The following ARHGAP26 variants were observed in gnomAD, a reference collection of about 807,000 sequenced individuals.
ARHGAP26 encodes the protein rho GTPase-activating protein 26.
ARHGAP26 carries 38 observed loss-of-function variants against 104.8 expected under a neutral mutation model. That is an observed-to-expected ratio of 0.36 (90% CI 0.28 to 0.48). The LOEUF (loss-of-function observed/expected upper bound fraction) is 0.48, where lower values mean the gene tolerates loss of function less well. Among genes scored for constraint, ARHGAP26 ranks in the 20% least tolerant of loss-of-function variants. The pLI, the probability that ARHGAP26 is intolerant of heterozygous loss-of-function variation, is 0.99. For synonymous variants in ARHGAP26, 341 were observed against 340.0 expected (o/e 1.00, Z -0.03); for missense variants, 704 against 947.9 (o/e 0.74, Z 3.38).
At chr5:143,103,869 C>T (rs985650019) in intron 17 of ARHGAP26, among the ~76,000 whole-genome samples, 2 of 152,002 alleles carry the variant, frequency 1.3e-5, no homozygotes, top group Admixed American at 6.5e-5. Context: ...GTGCAGCAAA[C>T]GACCATGGCA....
chr5:142,797,837 G>A (rs970355139), intron 1 of ARHGAP26, among the ~76,000 whole-genome samples: 44 of 152,300 alleles, frequency 2.9e-4, no homozygotes, highest in African/African-American at 8.7e-4. Context: ...AAACTTTAAT[G>A]TGCATCCAGA....
chr5:142,804,415 T>C (rs1452807632), intron 1 of ARHGAP26, among the ~76,000 whole-genome samples: 1 of 152,228 alleles, frequency 6.6e-6, no homozygotes. Context: ...CACTCACTCA[T>C]TGGCTCACTC....
chr5:143,067,846 A>G (rs1433013643), intron 17 of ARHGAP26, among the ~76,000 whole-genome samples: 1 of 152,198 alleles, frequency 6.6e-6, no homozygotes, highest in Admixed American at 6.5e-5. Flanking sequence ...TAAGCAACAG[A>G]TGTCAACTGT....
At chr5:142,876,488 T>C (rs567096792) in intron 3 of ARHGAP26, among the ~76,000 whole-genome samples, 15 of 151,994 alleles carry the variant, frequency 9.9e-5, no homozygotes, top group Non-Finnish European at 1.8e-4. Flanking sequence ...TATTAAAAAA[T>C]GTGGGGGCCA....
intron 20 of ARHGAP26, among the ~76,000 whole-genome samples, chr5:143,159,665 C>T (rs1029733055): frequency 6.6e-6 from 1 of 152,160 alleles, no homozygotes; most frequent in Non-Finnish European, 1.5e-5. Flanking sequence ...GTTTCTGAAG[C>T]CTCCCAAGTG....
intron 20 of ARHGAP26, among the ~76,000 whole-genome samples, chr5:143,201,791 A>G (rs1807778105): frequency 6.6e-6 from 1 of 152,222 alleles, no homozygotes; most frequent in Non-Finnish European, 1.5e-5. Context: ...TGCGACATGC[A>G]TCTTTGCAGT....
At chr5:142,825,717 A>G (rs1293024334) in intron 1 of ARHGAP26, among the ~76,000 whole-genome samples, 2 of 152,248 alleles carry the variant, frequency 1.3e-5, no homozygotes, top group Non-Finnish European at 2.9e-5. Context: ...GGAAAAGGCA[A>G]GTAGTTAAGA....
intron 4 of ARHGAP26, among the ~76,000 whole-genome samples, chr5:142,883,827 A>G (rs2152398693): frequency 6.6e-6 from 1 of 152,300 alleles, no homozygotes; most frequent in East Asian, 1.9e-4. Context: ...GTCTATAATT[A>G]TGCTGATTAT....
intron 11 of ARHGAP26, among the ~76,000 whole-genome samples, chr5:142,962,875 G>T (rs1040611957): frequency 1.3e-5 from 2 of 151,892 alleles, no homozygotes; most frequent in Admixed American, 6.6e-5. Context: ...ATGGGAGTTT[G>T]TTATACAGAT....
At chr5:143,134,359 A>C (rs769747889) in intron 19 of ARHGAP26, among the ~76,000 whole-genome samples, 3 of 152,184 alleles carry the variant, frequency 2.0e-5, no homozygotes, top group Non-Finnish European at 4.4e-5. Context: ...CAAACAGCTG[A>C]GTCTCTTTTC....
chr5:143,023,810 C>G (rs897867485), intron 12 of ARHGAP26, among the ~76,000 whole-genome samples: 1 of 152,244 alleles, frequency 6.6e-6, no homozygotes, highest in Non-Finnish European at 1.5e-5. Context: ...CCAGGCCTGC[C>G]AGGTCTGAGC....
intron 11 of ARHGAP26, among the ~76,000 whole-genome samples, chr5:142,934,698 T>G (rs185241785): frequency 4.6e-4 from 70 of 152,292 alleles, no homozygotes; most frequent in African/African-American, 1.6e-3. Context: ...GCTGTTATAG[T>G]GGCAACTATT....
intron 12 of ARHGAP26, among the ~76,000 whole-genome samples, chr5:143,032,698 A>G (rs1782052790): frequency 6.6e-6 from 1 of 152,226 alleles, no homozygotes; most frequent in African/African-American, 2.4e-5. Context: ...TGATCTGGTT[A>G]TGTGTGCACT....
At chr5:143,011,843 TC>T (rs1342309370) in intron 11 of ARHGAP26, among the ~76,000 whole-genome samples, 1 of 152,226 alleles carries the variant, frequency 6.6e-6, no homozygotes, top group Non-Finnish European at 1.5e-5. Flanking sequence ...ACTTTTGCCC[TC>T]CCCTCAAATT....
intron 7 of ARHGAP26, among the ~76,000 whole-genome samples, 160 bp downstream of exon 7, chr5:142,902,199 C>T (rs897393791): frequency 2.6e-5 from 4 of 152,126 alleles, no homozygotes; most frequent in Non-Finnish European, 5.9e-5. Flanking sequence ...TTCTAGAGTG[C>T]TTGGTGGTTC....
intron 1 of ARHGAP26, among the ~76,000 whole-genome samples, chr5:142,796,178 A>T (rs1340662674): frequency 7.2e-5 from 11 of 151,984 alleles, no homozygotes; most frequent in Admixed American, 7.2e-4. Context: ...TTAGGATGGC[A>T]TCTGCTGTAT....
intron 3 of ARHGAP26, among the ~76,000 whole-genome samples, chr5:142,876,828 G>A (rs1756188424): frequency 7.0e-6 from 1 of 142,008 alleles, no homozygotes; most frequent in Non-Finnish European, 1.6e-5. Flanking sequence ...TCCAAACAGA[G>A]TAGAAACCTC....
chr5:143,143,455 T>C (rs546598582), intron 19 of ARHGAP26, among the ~76,000 whole-genome samples: 5 of 152,280 alleles, frequency 3.3e-5, no homozygotes, highest in African/African-American at 9.6e-5. Flanking sequence ...ATTCTGCGGC[T>C]TTCCTTTTTT....
At chr5:142,870,574 C>G in intron 1 of ARHGAP26, among the ~76,000 whole-genome samples, 1 of 152,214 alleles carries the variant, frequency 6.6e-6, no homozygotes, top group East Asian at 1.9e-4. Flanking sequence ...TTCATGCTTA[C>G]CTTTCCTGGT....
Sources: allele counts gnomAD v4.1 joint callset (sites outside exome capture counted in the v4.1 genomes callset), GRCh38; gene constraint gnomAD v4.1.1; transcripts MANE v1.5; gene names NCBI Gene and HGNC (gene_info 2026-07-23, HGNC 2026-07-21).